DLGAP2: variants seen among roughly 807,000 people sequenced by gnomAD.
The protein encoded by DLGAP2 is disks large-associated protein 2.
A neutral mutation model predicts 100.3 loss-of-function variants in DLGAP2; 26 were observed. The observed-to-expected ratio is 0.26, with a 90% CI of 0.19 to 0.36. The LOEUF (loss-of-function observed/expected upper bound fraction) is 0.36, where lower values mean the gene tolerates loss of function less well. Ranked by LOEUF, DLGAP2 falls within the 10% of genes least tolerant of loss-of-function variation. The pLI is 1.00. For synonymous variants in DLGAP2, 886 were observed against 630.1 expected (o/e 1.41, Z -6.08); for missense variants, 1,858 against 1,453.2 (o/e 1.28, Z -4.53).
At chr8:1,508,976 C>G (rs898045390) in intron 4 of DLGAP2, among the ~76,000 whole-genome samples, 1 of 152,046 alleles carries the variant, frequency 6.6e-6, no homozygotes, top group African/African-American at 2.4e-5. Context: ...ATTAATGACC[C>G]GTGAATTCAA....
chr8:1,130,294 G>A (rs1796262709), intron 2 of DLGAP2, among the ~76,000 whole-genome samples: 1 of 152,016 alleles, frequency 6.6e-6, no homozygotes, highest in Non-Finnish European at 1.5e-5. Context: ...GAAGTTTAGT[G>A]TTCTGTTTTT....
chr8:1,046,545 G>T (rs1282851151), intron 2 of DLGAP2, among the ~76,000 whole-genome samples: 1 of 152,186 alleles, frequency 6.6e-6, no homozygotes, highest in Non-Finnish European at 1.5e-5. Context: ...AATCCACATT[G>T]CATGTGGGCG....
At chr8:1,069,037 C>T (rs1803346240) in intron 2 of DLGAP2, among the ~76,000 whole-genome samples, 1 of 152,172 alleles carries the variant, frequency 6.6e-6, no homozygotes. Context: ...CAAGAACAAA[C>T]ATTAAAAATC....
intron 3 of DLGAP2, among the ~76,000 whole-genome samples, chr8:1,476,903 C>G (rs1294641830): frequency 6.6e-6 from 1 of 152,138 alleles, no homozygotes; most frequent in Admixed American, 6.5e-5. Flanking sequence ...CTTCTGCAGA[C>G]CCACCCGTGA....
At chr8:1,547,235 C>T (rs778048259) in intron 4 of DLGAP2, among the ~76,000 whole-genome samples, 2 of 152,154 alleles carry the variant, frequency 1.3e-5, no homozygotes, top group Non-Finnish European at 2.9e-5. Context: ...CTGGGCCTGG[C>T]ACTGCTGCGG....
chr8:772,983 T>C (rs35988897), intron 1 of DLGAP2, among the ~76,000 whole-genome samples: 14,195 of 152,248 alleles, frequency 0.093, 864 homozygotes, highest in Middle Eastern at 0.17. Context: ...ACCTTCCAGA[T>C]TGTTCTCTGT....
chr8:1,226,952 G>A (rs534945631), intron 2 of DLGAP2, among the ~76,000 whole-genome samples: 24 of 151,656 alleles, frequency 1.6e-4, no homozygotes, highest in African/African-American at 2.7e-4. Context: ...CAGTATCGAC[G>A]TTCCTAAGGA....
At chr8:1,387,580 T>G (rs1418750320) in intron 3 of DLGAP2, among the ~76,000 whole-genome samples, 1 of 152,186 alleles carries the variant, frequency 6.6e-6, no homozygotes, top group African/African-American at 2.4e-5. Flanking sequence ...CCACTGGACG[T>G]GGCTAGAATG....
At position 1,065,851 on chromosome 8, in the gene DLGAP2, G is replaced by A. The variant is rs192522606; in HGVS notation, c.73+157885G>A. Among the ~76,000 whole-genome samples, 32 of 152,246 alleles carry A rather than the reference G, an allele frequency of 2.1e-4. No homozygotes were observed. The East Asian group carries it at 4.1e-3, about 19-fold the overall frequency. On this transcript the variant is annotated intron_variant, in intron 2 of 14. Coordinates refer to ENST00000637795, the MANE Select transcript of DLGAP2 (RefSeq NM_001346810.2). ...GGATGGCCTGGGTCCCAGGAATTCC[G>A]GGAAATCTTTCCTAGCTATTTGCTT...
intron 10 of DLGAP2, among the ~76,000 whole-genome samples, chr8:1,673,660 G>C (rs952576223): frequency 5.3e-5 from 8 of 152,338 alleles, no homozygotes; most frequent in Admixed American, 2.0e-4. Context: ...ACTTGAGTCA[G>C]GCCTCAGGCT....
Position 784,825 on chromosome 8 carries a change from C to T in DLGAP2, c.18+47000C>T, listed in dbSNP as rs74981174. ...TTAACATGGGAAAGGTACAATAAGC[C>T]GCATCTTTATAGTGTTCTTTTTCTA... On this transcript the variant is annotated intron_variant, in intron 1 of 14. Transcript: ENST00000637795. 4.9e-3 allele frequency among the ~76,000 whole-genome samples: 746 copies of T among 152,218 alleles called. 6 individuals carry two copies. Among genetic ancestry groups the T allele is most frequent in the African/African-American group, 0.017 (703 of 41,516 alleles).
chr8:1,164,212 C>CCCT (rs1796958990), intron 2 of DLGAP2, among the ~76,000 whole-genome samples: 1 of 140,076 alleles, frequency 7.1e-6, no homozygotes, highest in Admixed American at 6.9e-5. Flanking sequence ...CCCCCAGGGC[C>CCCT]CGTCATTTTG....
intron 2 of DLGAP2, among the ~76,000 whole-genome samples, chr8:947,345 C>G (rs919930749): frequency 6.6e-6 from 1 of 152,198 alleles, no homozygotes. Flanking sequence ...CAGAGGGGTC[C>G]TGTCAGCAGG....
intron 2 of DLGAP2, among the ~76,000 whole-genome samples, chr8:1,110,217 C>T (rs1264578140): frequency 1.6e-5 from 2 of 123,082 alleles, no homozygotes; most frequent in Non-Finnish European, 3.3e-5. Flanking sequence ...GTGAGGTGTG[C>T]ATGGGTCTGT....
rs1563224139 is a variant in DLGAP2 at position 1,164,168 on chromosome 8, C to CTGT, written c.74-94683_74-94682insTGT. On this transcript the variant is annotated intron_variant, in intron 2 of 14. Coordinates refer to ENST00000637795, the MANE Select transcript of DLGAP2 (RefSeq NM_001346810.2). The stretch of plus-strand genomic sequence containing the variant: ...GATTTTTCTGTGAGCCCCCCAGGGC[C>CTGT]CGTCATTTTGGTTTGTGGGGATTTT... Among the ~76,000 whole-genome samples, 60 of 113,964 alleles carry CTGT rather than the reference C, an allele frequency of 5.3e-4. 11 individuals are homozygous for CTGT. The highest frequency in any genetic ancestry group is 1.0e-3 in the South Asian group (4 of 3,922). The allele number at this position is 113,964 out of a possible 152,430, so 74.8% of individuals were successfully genotyped here. A position where few individuals can be genotyped will look rare whatever the true frequency, so the allele number is the denominator to read the frequency against.
intron 1 of DLGAP2, among the ~76,000 whole-genome samples, chr8:892,000 C>G (rs11990582): frequency 6.6e-6 from 1 of 152,146 alleles, no homozygotes; most frequent in Non-Finnish European, 1.5e-5. Flanking sequence ...GAGTCAGTGC[C>G]GAGAAAGCCC....
At chr8:1,091,648 T>A (rs1251562663) in intron 2 of DLGAP2, among the ~76,000 whole-genome samples, 1 of 152,166 alleles carries the variant, frequency 6.6e-6, no homozygotes, top group Non-Finnish European at 1.5e-5. Flanking sequence ...GAGACCTGCA[T>A]CATGATGCCG....
chr8:1,073,795 C>G (rs1456931004), intron 2 of DLGAP2, among the ~76,000 whole-genome samples: 4 of 152,230 alleles, frequency 2.6e-5, no homozygotes, highest in African/African-American at 9.6e-5. Context: ...AACGCTTTAT[C>G]TTTTCACACG....
chr8:1,568,684 GTC>G (rs1802521111), intron 6 of DLGAP2, among the ~76,000 whole-genome samples: 1 of 67,248 alleles, frequency 1.5e-5, no homozygotes, highest in Non-Finnish European at 2.8e-5. Flanking sequence ...ACACAAATCC[GTC>G]TCTGCCCGTG....
Sources: gnomAD v4.1 joint callset for allele counts (sites outside exome capture counted in the v4.1 genomes callset) on GRCh38, gnomAD v4.1.1 for gene constraint, MANE v1.5 for transcripts, NCBI Gene and HGNC (gene_info 2026-07-23, HGNC 2026-07-21) for gene names.